The following RPS6KC1 variants were observed in gnomAD, a reference collection of about 807,000 sequenced individuals.
The protein encoded by RPS6KC1 is inactive ribosomal protein S6 kinase delta-1.
In RPS6KC1, 54 loss-of-function variants were observed where a neutral mutation model predicts 103.8. The ratio of observed to expected loss-of-function variants is 0.52; its 90% CI spans 0.42 to 0.65. The LOEUF is 0.65. RPS6KC1 is among the 30% of genes least tolerant of loss of function. The pLI, the probability that RPS6KC1 is intolerant of heterozygous loss-of-function variation, is 0.00. For missense variants in RPS6KC1, 1,151 were observed against 1,253.8 expected, an observed-to-expected ratio of 0.92 and a Z score of 1.24; for synonymous variants, 439 against 438.7, an observed-to-expected ratio of 1.00 and a Z score of -0.01.
At chr1:213,708,495 A>C in the RPS6KC1 span, among the ~76,000 whole-genome samples, 1 of 152,150 alleles carries the variant, frequency 6.6e-6, no homozygotes, top group African/African-American at 2.4e-5. Context: ...TAGGATTGCA[A>C]ATGGAGATAA....
At chr1:213,370,287 T>TTTTATTTTA in the RPS6KC1 span, among the ~76,000 whole-genome samples, 13 of 127,520 alleles carry the variant, frequency 1.0e-4, no homozygotes, top group East Asian at 5.3e-4. Flanking sequence ...ATTTTATTTT[T>TTTTATTTTA]TTTGCATGTA....
the RPS6KC1 span, among the ~76,000 whole-genome samples, chr1:213,647,302 T>C: frequency 6.6e-6 from 1 of 152,172 alleles, no homozygotes; most frequent in Admixed American, 6.5e-5. Context: ...AGATGTATCA[T>C]GGTTAGATAG....
At chr1:213,808,585 A>C in the RPS6KC1 span, among the ~76,000 whole-genome samples, 6 of 152,236 alleles carry the variant, frequency 3.9e-5, no homozygotes, top group African/African-American at 1.4e-4. Flanking sequence ...CCTCCGAGCC[A>C]GGTGCAGGAT....
the RPS6KC1 span, among the ~76,000 whole-genome samples, chr1:213,583,491 A>T: frequency 6.6e-6 from 1 of 152,120 alleles, no homozygotes; most frequent in South Asian, 2.1e-4. Context: ...TGCAAATCTG[A>T]GTGTATGTAA....
At position 213,215,220 on chromosome 1, in the gene RPS6KC1, T is replaced by A. The variant is rs138590898; in HGVS notation, c.1045-15277T>A. The stretch of plus-strand genomic sequence containing the variant: ...AGCTGAAAACCATGGCACGAGAACT[T>A]CATGACGAATGCACAAGCTTCAGTA... On this transcript the variant is annotated intron_variant, in intron 8 of 14. Coordinates refer to ENST00000366960, the MANE Select transcript of RPS6KC1 (RefSeq NM_012424.6). 9.2e-3 allele frequency among the ~76,000 whole-genome samples: 1,401 copies of A among 152,200 alleles called. 42 individuals are homozygous for A. The highest frequency in any genetic ancestry group is 0.07 in the East Asian group (363 of 5,176).
the RPS6KC1 span, among the ~76,000 whole-genome samples, chr1:213,510,650 C>T: frequency 5.3e-5 from 8 of 152,226 alleles, no homozygotes; most frequent in African/African-American, 9.6e-5. Flanking sequence ...CCTGCACTCA[C>T]GGTCTCCAGT....
chr1:213,313,517 TC>T, the RPS6KC1 span, among the ~76,000 whole-genome samples: 1 of 152,216 alleles, frequency 6.6e-6, no homozygotes, highest in African/African-American at 2.4e-5. Flanking sequence ...ATATGCCACC[TC>T]CTTCCATTCT....
the RPS6KC1 span, among the ~76,000 whole-genome samples, chr1:213,773,799 C>T: frequency 6.6e-6 from 1 of 152,152 alleles, no homozygotes; most frequent in Non-Finnish European, 1.5e-5. Context: ...AGGATGGTCT[C>T]TTTTACTTAA....
At chr1:213,487,143 C>T in the RPS6KC1 span, among the ~76,000 whole-genome samples, 1 of 152,202 alleles carries the variant, frequency 6.6e-6, no homozygotes, top group Admixed American at 6.5e-5. Flanking sequence ...TGGCTCATGA[C>T]TGTAATCCTA....
At chr1:213,308,793 A>C in the RPS6KC1 span, among the ~76,000 whole-genome samples, 1 of 152,234 alleles carries the variant, frequency 6.6e-6, no homozygotes, top group Non-Finnish European at 1.5e-5. Flanking sequence ...TATCTTTTAC[A>C]TCTTTGGCTC....
chr1:213,721,051 A>G, the RPS6KC1 span, among the ~76,000 whole-genome samples: 4 of 152,232 alleles, frequency 2.6e-5, no homozygotes, highest in Admixed American at 1.3e-4. Flanking sequence ...TATCCATGGT[A>G]GTGGGGCAAA....
chr1:213,119,771 A>G (rs947118044), intron 5 of RPS6KC1, among the ~76,000 whole-genome samples: 5 of 151,996 alleles, frequency 3.3e-5, no homozygotes, highest in Admixed American at 3.3e-4. Context: ...AAGCATGATT[A>G]TTAGGAATGA....
chr1:213,481,477 A>T, the RPS6KC1 span, among the ~76,000 whole-genome samples: 1 of 152,176 alleles, frequency 6.6e-6, no homozygotes, highest in South Asian at 2.1e-4. Flanking sequence ...CTCAGGAATC[A>T]TGGCTGTTAT....
chr1:213,609,219 G>A, the RPS6KC1 span, among the ~76,000 whole-genome samples: 1 of 152,196 alleles, frequency 6.6e-6, no homozygotes, highest in Non-Finnish European at 1.5e-5. Flanking sequence ...CAAACAAATT[G>A]TTAAATGAAA....
chr1:213,133,236 C>T (rs773283644), intron 6 of RPS6KC1, among the ~76,000 whole-genome samples: 19 of 152,092 alleles, frequency 1.2e-4, no homozygotes, highest in Non-Finnish European at 2.8e-4. Flanking sequence ...ATATATATCA[C>T]ACTTTCCTGT....
the RPS6KC1 span, among the ~76,000 whole-genome samples, chr1:213,559,336 A>C: frequency 6.6e-6 from 1 of 152,146 alleles, no homozygotes; most frequent in Non-Finnish European, 1.5e-5. Flanking sequence ...GAAAATTAAC[A>C]TTTGATTGAA....
intron 2 of RPS6KC1, among the ~76,000 whole-genome samples, chr1:213,075,499 T>G (rs1558266288): frequency 6.6e-6 from 1 of 152,168 alleles, no homozygotes; most frequent in Non-Finnish European, 1.5e-5. Flanking sequence ...AGCTAATAGA[T>G]CCTGCTCAGT....
chr1:213,774,904 G>A, the RPS6KC1 span, among the ~76,000 whole-genome samples: 23 of 152,212 alleles, frequency 1.5e-4, no homozygotes, highest in Admixed American at 1.2e-3. Flanking sequence ...GGGAGATGCC[G>A]TGGCAACTCA....
the RPS6KC1 span, among the ~76,000 whole-genome samples, chr1:213,402,958 C>CAAAAAAAAAAAAAAAAAAAAA: frequency 9.0e-6 from 1 of 111,518 alleles, no homozygotes; most frequent in Non-Finnish European, 1.8e-5. Context: ...ACTAAAAATA[C>CAAAAAAAAAAAAAAAAAAAAA]AAAAAAAAAA....
Sources: gnomAD v4.1 joint callset for allele counts (sites outside exome capture counted in the v4.1 genomes callset) on GRCh38, gnomAD v4.1.1 for gene constraint, MANE v1.5 for transcripts, NCBI Gene and HGNC (gene_info 2026-07-23, HGNC 2026-07-21) for gene names.